The following DCDC1 variants were observed in gnomAD, a reference collection of about 807,000 sequenced individuals.
DCDC1 encodes doublecortin domain containing 1.
DCDC1 carries 200 observed loss-of-function variants against 178.3 expected under a neutral mutation model. That is an observed-to-expected ratio of 1.12 (90% confidence interval 1.00 to 1.26). The LOEUF (loss-of-function observed/expected upper bound fraction) is 1.26, where lower values mean the gene tolerates loss of function less well. DCDC1 is among the 50% of genes most tolerant of loss of function. The pLI, the probability that DCDC1 is intolerant of heterozygous loss-of-function variation, is 0.00. For synonymous variants in DCDC1, 690 were observed against 604.8 expected (o/e 1.14, Z -2.07); for missense variants, 1,983 against 1,749.2 (o/e 1.13, Z -2.38).
intron 20 of DCDC1, among the ~76,000 whole-genome samples, chr11:30,994,676 T>C (rs1432052019): frequency 1.4e-5 from 2 of 145,368 alleles, no homozygotes; most frequent in Admixed American, 7.1e-5. Flanking sequence ...TAATATATAA[T>C]ATATAACATA....
chr11:31,114,984 C>T (rs1326173198), intron 11 of DCDC1, among the ~76,000 whole-genome samples: 1 of 151,976 alleles, frequency 6.6e-6, no homozygotes, highest in Admixed American at 6.6e-5. Context: ...ATTAGCAGGA[C>T]TGGAAAATAA....
At chr11:30,870,267 C>T (rs926272623) in intron 38 of DCDC1, among the ~76,000 whole-genome samples, 4 of 152,118 alleles carry the variant, frequency 2.6e-5, no homozygotes, top group African/African-American at 7.2e-5. Context: ...CTTGAAGACA[C>T]AGCTTTGGTT....
At chr11:31,209,744 G>A (rs1297826952) in intron 9 of DCDC1, among the ~76,000 whole-genome samples, 1 of 152,178 alleles carries the variant, frequency 6.6e-6, no homozygotes, top group African/African-American at 2.4e-5. Context: ...CTCCTCTTCT[G>A]AGTTGTTTAC....
chr11:31,349,941 C>T (rs945877264), intron 1 of DCDC1, among the ~76,000 whole-genome samples: 1 of 152,118 alleles, frequency 6.6e-6, no homozygotes. Flanking sequence ...TTTTTTATTA[C>T]CTGTTTAATA....
At position 31,263,799 on chromosome 11, in the gene DCDC1, C is replaced by T. The variant is rs1391080074; in HGVS notation, c.1054+1708G>A. Reference sequence around the variant, plus strand: ...AACATCCCAAAATCACTTCAGTTGTCGGAATCACTACCCTTGCAGTTAAAG... The same window carrying T: ...AACATCCCAAAATCACTTCAGTTGTTGGAATCACTACCCTTGCAGTTAAAG... On this transcript the variant is annotated intron_variant, in intron 8 of 38. Coordinates refer to ENST00000684477, the MANE Select transcript of DCDC1 (RefSeq NM_001387274.1). Among the ~76,000 whole-genome samples the T allele has an allele frequency of 6.6e-5, 10 of 152,140 alleles. No individual in the cohort carries two copies. The East Asian group carries it at 1.9e-3, about 29-fold the overall frequency.
chr11:31,050,293 C>A, intron 20 of DCDC1, among the ~76,000 whole-genome samples: 1 of 152,088 alleles, frequency 6.6e-6, no homozygotes, highest in Admixed American at 6.5e-5. Flanking sequence ...CTCCTAGGCA[C>A]ACAACTCCAG....
intron 25 of DCDC1, among the ~76,000 whole-genome samples, chr11:30,920,342 G>A (rs541738668): frequency 1.3e-5 from 2 of 152,250 alleles, no homozygotes; most frequent in South Asian, 2.1e-4. Context: ...TTAACTTAGA[G>A]GGGAATTGGA....
intron 21 of DCDC1, 83 bp downstream of exon 21, chr11:30,952,362 T>A (rs945428060): frequency 7.8e-7 from 1 of 1,289,000 alleles, no homozygotes; most frequent in Non-Finnish European, 1.0e-6. Context: ...TCAAAAGCTA[T>A]ATGGAAGTTG....
chr11:31,364,622 T>C (rs548680405), intron 1 of DCDC1, among the ~76,000 whole-genome samples: 8 of 152,254 alleles, frequency 5.3e-5, no homozygotes, highest in African/African-American at 1.9e-4. Context: ...CAAAAAATAT[T>C]TACCTCTTCC....
intron 11 of DCDC1, among the ~76,000 whole-genome samples, chr11:31,125,828 A>C (rs530579328): frequency 6.6e-6 from 1 of 152,220 alleles, no homozygotes; most frequent in East Asian, 1.9e-4. Context: ...TGCATGCTGG[A>C]CTTAATACCT....
intron 9 of DCDC1, among the ~76,000 whole-genome samples, chr11:31,193,795 A>T (rs1281593272): frequency 6.6e-6 from 1 of 152,102 alleles, no homozygotes; most frequent in Non-Finnish European, 1.5e-5. Flanking sequence ...ATGCTAACTC[A>T]CACAGAGAGT....
At chr11:31,196,929 T>C (rs1970760770) in intron 9 of DCDC1, among the ~76,000 whole-genome samples, 1 of 152,106 alleles carries the variant, frequency 6.6e-6, no homozygotes. Flanking sequence ...CAAAAAATAC[T>C]CTACTCACGC....
intron 9 of DCDC1, among the ~76,000 whole-genome samples, chr11:31,210,475 G>C (rs1045215089): frequency 6.6e-6 from 1 of 152,070 alleles, no homozygotes; most frequent in African/African-American, 2.4e-5. Flanking sequence ...CACTTTGGGA[G>C]GCCGAGGCAG....
At chr11:31,187,134 C>T (rs560362076) in intron 9 of DCDC1, among the ~76,000 whole-genome samples, 1 of 152,284 alleles carries the variant, frequency 6.6e-6, no homozygotes, top group South Asian at 2.1e-4. Flanking sequence ...AAATTTGGAA[C>T]TTGTTTGAGA....
At chr11:31,169,979 G>T (rs943282858) in intron 9 of DCDC1, among the ~76,000 whole-genome samples, 1 of 152,184 alleles carries the variant, frequency 6.6e-6, no homozygotes, top group African/African-American at 2.4e-5. Flanking sequence ...CTGAGTTTCT[G>T]TTTGTGGCAC....
At chr11:31,334,680 C>G (rs1053237590) in intron 2 of DCDC1, among the ~76,000 whole-genome samples, 1 of 152,214 alleles carries the variant, frequency 6.6e-6, no homozygotes, top group Non-Finnish European at 1.5e-5. Context: ...AAGTCCACTC[C>G]AGACCATGTT....
chr11:31,142,519 T>G (rs773064760), intron 9 of DCDC1, among the ~76,000 whole-genome samples: 9 of 152,060 alleles, frequency 5.9e-5, no homozygotes, highest in Non-Finnish European at 1.0e-4. Context: ...TATACACATA[T>G]GCTTCTTTTA....
At chr11:31,277,414 T>C (rs867927826) in intron 7 of DCDC1, among the ~76,000 whole-genome samples, 1 of 152,146 alleles carries the variant, frequency 6.6e-6, no homozygotes, top group African/African-American at 2.4e-5. Context: ...TGTTGACATA[T>C]GTTATTTATC....
At chr11:31,301,685 G>T (rs1041733442) in intron 6 of DCDC1, among the ~76,000 whole-genome samples, 2 of 152,150 alleles carry the variant, frequency 1.3e-5, no homozygotes, top group African/African-American at 4.8e-5. Context: ...AATGTGTCTT[G>T]TGTGTCGTGG....
Sources: gnomAD v4.1 joint callset for allele counts (sites outside exome capture counted in the v4.1 genomes callset) on GRCh38, gnomAD v4.1.1 for gene constraint, MANE v1.5 for transcripts, NCBI Gene and HGNC (gene_info 2026-07-23, HGNC 2026-07-21) for gene names.